RPA2: variants seen among roughly 807,000 people sequenced by gnomAD.
The protein encoded by RPA2 is replication protein A 32 kDa subunit.
Under a neutral mutation model 33.4 loss-of-function variants are expected in RPA2, and 22 were observed. The observed-to-expected ratio is 0.66, with a 90% CI of 0.47 to 0.94. The LOEUF is 0.94. Ranked by LOEUF, RPA2 falls within the 40% of genes least tolerant of loss-of-function variation. The pLI is 0.00. For synonymous variants in RPA2, 109 were observed against 114.9 expected, an observed-to-expected ratio of 0.95 and a Z score of 0.33; for missense variants, 279 against 329.9, an observed-to-expected ratio of 0.85 and a Z score of 1.19.
rs981230684 is a variant in RPA2 at position 27,906,980 on chromosome 1, A to G, written c.281T>C (p.Ile94Thr). 2.5e-6 allele frequency: 4 copies of G among 1,613,560 alleles called. No homozygotes were observed. Among genetic ancestry groups the G allele is most frequent in the African/African-American group, 1.3e-5 (1 of 74,758 alleles). Residue 94 changes from isoleucine (I) to threonine (T), a missense_variant, in exon 4 of 9, where the codon ATA becomes ACA. Ile to Thr is a moderately conservative substitution (Grantham distance 89, BLOSUM62 -1). This residue lies in a region of RPA2 where 274 missense variants were observed against 310.3 expected (regional missense o/e 0.88). Coordinates refer to ENST00000373912, the MANE Select transcript of RPA2 (RefSeq NM_002946.5). Reference protein sequence around the residue: ...EKAPTNIVYKIDDMTAAPMDV... With the variant: ...EKAPTNIVYKTDDMTAAPMDV... ...CATGGGTGCAGCTGTCATGTCATCTATTTTGTAAACAATGTTGGTTGGAGC... is the reference window on the plus strand; with the variant it reads ...CATGGGTGCAGCTGTCATGTCATCTGTTTTGTAAACAATGTTGGTTGGAGC...
In RPA2 at chr1:27,907,489, C is replaced by G. The variant is rs181135231; in HGVS notation, c.118-207G>C. On this transcript the variant is annotated intron_variant, in intron 2 of 8. Transcript: ENST00000373912. ...AATCCAAACCCAGGTTTGTCTAACT[C>G]CAGAGCTCCTGCTGAATAGATACAC... Among the ~76,000 whole-genome samples, 19 of 152,294 alleles carry G rather than the reference C, an allele frequency of 1.2e-4. 1 individual carries two copies. The East Asian group carries it at 3.5e-3, about 28-fold the overall frequency.
intron 2 of RPA2, among the ~76,000 whole-genome samples, chr1:27,912,380 A>G (rs2090108450): frequency 6.8e-6 from 1 of 146,430 alleles, no homozygotes; most frequent in Non-Finnish European, 1.5e-5. Flanking sequence ...GCCACCTCTA[A>G]AAAAAAAAAA....
intron 1 of RPA2, 41 bp from the exon 2 acceptor site, chr1:27,914,210 C>A: frequency 6.2e-7 from 1 of 1,611,940 alleles, no homozygotes; most frequent in Non-Finnish European, 8.5e-7. Context: ...CCACGTCCCA[C>A]GCCTCCGAGA....
At chr1:27,908,376 G>A (rs543577027) in intron 2 of RPA2, among the ~76,000 whole-genome samples, 5 of 151,326 alleles carry the variant, frequency 3.3e-5, no homozygotes, top group East Asian at 3.9e-4. Context: ...GTGATCCTCC[G>A]ACCTTAGCCT....
chr1:27,913,922 T>C, intron 2 of RPA2, 141 bp downstream of exon 2: 1 of 823,336 alleles, frequency 1.2e-6, no homozygotes, highest in South Asian at 2.8e-5. Flanking sequence ...AGCACTTAAT[T>C]ATAAGAGATG....
intron 4 of RPA2, among the ~76,000 whole-genome samples, chr1:27,901,194 TTG>T (rs2089962674): frequency 6.6e-6 from 1 of 152,170 alleles, no homozygotes; most frequent in South Asian, 2.1e-4. Context: ...GCAAACTTTG[TTG>T]TCTTATTTCA....
chr1:27,905,444 G>C (rs12070173), intron 4 of RPA2, among the ~76,000 whole-genome samples: 69,320 of 151,638 alleles, frequency 0.46, 16,797 homozygotes, highest in African/African-American at 0.63. Flanking sequence ...TAGGTGCGCA[G>C]AACCACGCCC....
At chr1:27,910,552 T>C (rs1415441937) in intron 2 of RPA2, among the ~76,000 whole-genome samples, 2 of 152,196 alleles carry the variant, frequency 1.3e-5, no homozygotes, top group African/African-American at 2.4e-5. Context: ...ACTAAAAAAA[T>C]TTTCATAGCT....
chr1:27,907,117 T>A, intron 3 of RPA2, 64 bp downstream of exon 3: 3 of 1,575,174 alleles, frequency 1.9e-6, no homozygotes, highest in Non-Finnish European at 2.6e-6. Context: ...TTGTATTTTT[T>A]AATGAAGTCT....
At chr1:27,904,312 A>G (rs2090002219) in intron 4 of RPA2, among the ~76,000 whole-genome samples, 1 of 152,210 alleles carries the variant, frequency 6.6e-6, no homozygotes, top group Admixed American at 6.5e-5. Flanking sequence ...AGATGTCTGA[A>G]AGGGTATTTT....
Position 27,899,535 on chromosome 1 carries a change from CACAA to C in RPA2, c.334-1832_334-1829del, listed in dbSNP as rs2089939580. ...AAAGAAAAAAAAAAAAAAAAAACCA[CACAA>C]ACAAAACAATTGTATTCCCATATAC... On this transcript the variant is annotated intron_variant, in intron 4 of 8. Transcript: ENST00000373912. 2.8e-5 allele frequency among the ~76,000 whole-genome samples: 4 copies of C among 143,568 alleles called. No individual in the cohort carries two copies. In the South Asian group the frequency reaches 8.9e-4, roughly 32 times the overall value. The allele number at this position is 143,568 out of a possible 152,430, so 94.2% of individuals were successfully genotyped here. A position where few individuals can be genotyped will look rare whatever the true frequency, so the allele number is the denominator to read the frequency against.
chr1:27,896,895 G>A (rs2148653046), intron 6 of RPA2, 110 bp downstream of exon 6: 2 of 704,722 alleles, frequency 2.8e-6, no homozygotes, highest in Non-Finnish European at 4.9e-6. Context: ...ACTTAGTGAT[G>A]TCTTTCTCTG....
intron 2 of RPA2, among the ~76,000 whole-genome samples, chr1:27,912,164 G>A (rs936271845): frequency 6.6e-6 from 1 of 152,020 alleles, no homozygotes; most frequent in African/African-American, 2.4e-5. Flanking sequence ...TTTTTAACTT[G>A]CTTACACTGA....
At position 27,897,107 on chromosome 1, in the gene RPA2, C is replaced by A; in HGVS notation, c.423G>T (p.Leu141=). ...CCAGGGGCATGATCTTAAAGGCTACCAGGCTCTTTTTGTTCTATTAAAATG... is the reference window on the plus strand; with the variant it reads ...CCAGGGGCATGATCTTAAAGGCTACAAGGCTCTTTTTGTTCTATTAAAATG... The part of the protein sequence containing the change: ...HLRSFQNKKS[L]VAFKIMPLED... Residue 141 remains leucine, a synonymous_variant, in exon 6 of 9, where the codon CTG becomes CTT. Coordinates refer to ENST00000373912, the MANE Select transcript of RPA2 (RefSeq NM_002946.5). 6.2e-7 allele frequency: 1 copy of A among 1,609,842 alleles called. No individual in the cohort carries two copies.
chr1:27,914,192 T>C lies in RPA2; in HGVS notation c.11-23A>G. 3 of 1,613,544 alleles carry C rather than the reference T, an allele frequency of 1.9e-6. No homozygotes were observed. The South Asian group carries it at 3.3e-5, about 18-fold the overall frequency. On this transcript the variant is annotated intron_variant, in intron 1 of 8. Coordinates refer to ENST00000373912, the MANE Select transcript of RPA2 (RefSeq NM_002946.5). ...CACCTGTTTTGAACAACAGGATTAG[T>C]GCCTGTGCCACGTCCCACGCCTCCG...
upstream of RPA2, chr1:27,914,595 C>A: frequency 6.2e-7 from 1 of 1,613,676 alleles, no homozygotes; most frequent in Non-Finnish European, 8.5e-7. Flanking sequence ...AGTCAGCTCC[C>A]GGGGTGCTCG....
intron 2 of RPA2, 36 bp from the exon 3 acceptor site, chr1:27,907,318 A>G: frequency 6.6e-7 from 1 of 1,523,904 alleles, no homozygotes; most frequent in Non-Finnish European, 9.0e-7. Flanking sequence ...CAATTAAGAA[A>G]GTAATAACTA....
intron 4 of RPA2, among the ~76,000 whole-genome samples, chr1:27,904,110 G>C (rs566047235): frequency 6.6e-6 from 1 of 150,584 alleles, no homozygotes; most frequent in East Asian, 2.0e-4. Flanking sequence ...GTTGTGGTGA[G>C]CTGGAGATCG....
At position 27,906,267 on chromosome 1, in the gene RPA2, T is replaced by C. The variant is rs192021066; in HGVS notation, c.333+661A>G. On this transcript the variant is annotated intron_variant, in intron 4 of 8. Transcript: ENST00000373912. ...CTGTAATCCCAGCTACTTGGGAGGC[T>C]GAGGCAGGAGAACTGCTTGAACCTG... 2.7e-3 allele frequency among the ~76,000 whole-genome samples: 413 copies of C among 151,704 alleles called. 5 individuals are homozygous for C. The highest frequency in any genetic ancestry group is 9.6e-3 in the African/African-American group (396 of 41,358).
Sources: allele counts gnomAD v4.1 joint callset (sites outside exome capture counted in the v4.1 genomes callset), GRCh38; gene constraint gnomAD v4.1.1; regional missense constraint gnomAD v4.1.1; transcripts MANE v1.5; gene names NCBI Gene and HGNC (gene_info 2026-07-23, HGNC 2026-07-21).